The following CDH9 variants were observed in gnomAD, a reference collection of about 807,000 sequenced individuals.
CDH9 encodes cadherin-9.
Under a neutral mutation model 70.9 loss-of-function variants are expected in CDH9, and 28 were observed. That is an observed-to-expected ratio of 0.40 (90% CI 0.29 to 0.54). The LOEUF is 0.54. CDH9 is among the 20% of genes least tolerant of loss of function. CDH9 has a pLI of 0.59. For synonymous variants in CDH9, 409 were observed against 343.1 expected (o/e 1.19, Z -2.12); for missense variants, 874 against 984.4 (o/e 0.89, Z 1.50).
At chr5:26,945,389 A>G (rs1002017797) in intron 2 of CDH9, among the ~76,000 whole-genome samples, 2 of 152,128 alleles carry the variant, frequency 1.3e-5, no homozygotes, top group Non-Finnish European at 2.9e-5. Flanking sequence ...CATTTTTTCA[A>G]AAAGGCTAAT....
chr5:26,950,908 T>C (rs1579471313), intron 2 of CDH9, among the ~76,000 whole-genome samples: 1 of 152,162 alleles, frequency 6.6e-6, no homozygotes, highest in East Asian at 1.9e-4. Flanking sequence ...TTTAAAAATA[T>C]ATAGTAGAGA....
At chr5:26,952,508 G>A (rs1225180606) in intron 2 of CDH9, among the ~76,000 whole-genome samples, 1 of 132,736 alleles carries the variant, frequency 7.5e-6, no homozygotes. Flanking sequence ...GGTGGGAGGC[G>A]CCTGTGGTCC....
intron 1 of CDH9, among the ~76,000 whole-genome samples, chr5:27,008,136 A>G (rs1410693736): frequency 1.3e-5 from 2 of 152,144 alleles, no homozygotes; most frequent in Non-Finnish European, 2.9e-5. Context: ...ACTAGGTTTT[A>G]TTTTTATTAT....
intron 1 of CDH9, among the ~76,000 whole-genome samples, chr5:27,012,290 T>G (rs552590638): frequency 3.9e-5 from 6 of 152,110 alleles, no homozygotes; most frequent in African/African-American, 1.4e-4. Context: ...ATTATTATTA[T>G]TTTTTAATAT....
chr5:26,945,210 T>G (rs754123586), intron 2 of CDH9, among the ~76,000 whole-genome samples: 3 of 152,026 alleles, frequency 2.0e-5, no homozygotes, highest in Non-Finnish European at 4.4e-5. Flanking sequence ...CCTTGCTTTT[T>G]TTTTTTCCCT....
At position 26,915,691 on chromosome 5, in the gene CDH9, G is replaced by A. The variant is rs751999649; in HGVS notation, c.462C>T (p.Asp154=). The change falls in exon 3 of 12, where the codon GAC becomes GAT. Residue 154 remains aspartate (D), a synonymous_variant. Transcript: ENST00000231021. ...EFIIKIHDIN[D]NEPKFTKDLY... ...AGTCTTTTGTAAATTTTGGCTCATTGTCATTGATATCATGTATTTTAATGA... is the reference window on the plus strand; with the variant it reads ...AGTCTTTTGTAAATTTTGGCTCATTATCATTGATATCATGTATTTTAATGA... 1.2e-6 allele frequency: 2 copies of A among 1,610,830 alleles called. No individual in the cohort carries two copies. Among genetic ancestry groups the A allele is most frequent in the South Asian group, 1.1e-5 (1 of 91,028 alleles).
At chr5:26,890,060 C>G (rs1249747986) in intron 8 of CDH9, 103 bp from the exon 9 acceptor site, 22 of 1,044,504 alleles carry the variant, frequency 2.1e-5, no homozygotes, top group Non-Finnish European at 2.9e-5. Context: ...GTGGTGTTCA[C>G]TTTCTCAATT....
chr5:26,911,509 G>A lies in CDH9; in HGVS notation c.523+4121C>T, dbSNP rs114701435. 2.9e-3 allele frequency among the ~76,000 whole-genome samples: 440 copies of A among 152,160 alleles called. 2 individuals are homozygous for A. Among genetic ancestry groups the A allele is most frequent in the African/African-American group, 9.8e-3 (406 of 41,528 alleles). ...GGGTCAAAGTGTTAGGAAGAGGACT[G>A]GATAGGTTTTTGAGAGTGAAGGTGG... On this transcript the variant is annotated intron_variant, in intron 3 of 11. Transcript: ENST00000231021.
intron 11 of CDH9, among the ~76,000 whole-genome samples, chr5:26,883,881 T>C (rs1016479642): frequency 6.6e-6 from 1 of 152,108 alleles, no homozygotes; most frequent in Non-Finnish European, 1.5e-5. Context: ...GCTACATTTC[T>C]TCAAAATGTA....
chr5:26,906,046 C>T lies in CDH9; in HGVS notation c.724G>A (p.Gly242Ser), dbSNP rs1194827341. 2 of 1,613,110 alleles carry T rather than the reference C, an allele frequency of 1.2e-6. No homozygotes were observed. Among genetic ancestry groups the T allele is most frequent in the Admixed American group, 3.3e-5 (2 of 59,988 alleles). Reference sequence around the variant, plus strand: ...CCAGAAAGGCCTCCCATCTGGCCACCCATGTCTTTGGCCTGTATAACAACC... The same window carrying T: ...CCAGAAAGGCCTCCCATCTGGCCACTCATGTCTTTGGCCTGTATAACAACC... ...YQVVIQAKDM[G>S]GQMGGLSGTT... The change falls in exon 5 of 12, where the codon GGT becomes AGT. Residue 242 changes from glycine to serine, a missense_variant. Gly to Ser is a moderately conservative substitution (Grantham distance 56, BLOSUM62 0). Coordinates refer to ENST00000231021, the MANE Select transcript of CDH9 (RefSeq NM_016279.4).
At chr5:27,038,087 A>G (rs1458401622) in intron 1 of CDH9, among the ~76,000 whole-genome samples, 1 of 152,028 alleles carries the variant, frequency 6.6e-6, no homozygotes, top group Non-Finnish European at 1.5e-5. Flanking sequence ...TCAAATTAAT[A>G]TAATAATCAC....
At chr5:27,013,468 A>G (rs756061371) in intron 1 of CDH9, among the ~76,000 whole-genome samples, 1 of 151,972 alleles carries the variant, frequency 6.6e-6, no homozygotes, top group Non-Finnish European at 1.5e-5. Context: ...CGAACATAGG[A>G]TGAGGCTTCA....
chr5:27,003,906 C>G (rs1742814036), intron 1 of CDH9, among the ~76,000 whole-genome samples: 1 of 151,710 alleles, frequency 6.6e-6, no homozygotes, highest in Non-Finnish European at 1.5e-5. Context: ...AAAATATGTA[C>G]TATACCAATG....
At chr5:26,994,139 T>C (rs185032763) in intron 1 of CDH9, among the ~76,000 whole-genome samples, 19 of 152,266 alleles carry the variant, frequency 1.2e-4, no homozygotes, top group Admixed American at 5.2e-4. Context: ...CAGTGGTTCA[T>C]ATGTAGACAA....
chr5:26,959,053 A>G (rs1404152342), intron 2 of CDH9, among the ~76,000 whole-genome samples: 1 of 152,182 alleles, frequency 6.6e-6, no homozygotes, highest in Non-Finnish European at 1.5e-5. Context: ...GACACTACCA[A>G]AAAGATAAAT....
chr5:26,955,576 C>A (rs1393587733), intron 2 of CDH9, among the ~76,000 whole-genome samples: 1 of 92,402 alleles, frequency 1.1e-5, no homozygotes, highest in South Asian at 2.6e-4. Flanking sequence ...GGCAGTATCT[C>A]TCTCTCTCTC....
chr5:26,979,095 T>C (rs938156985), intron 2 of CDH9, among the ~76,000 whole-genome samples: 1 of 151,630 alleles, frequency 6.6e-6, no homozygotes, highest in Non-Finnish European at 1.5e-5. Flanking sequence ...TTATATAAAT[T>C]AATAGAAAAG....
chr5:26,939,253 A>T (rs1468990538), intron 2 of CDH9, among the ~76,000 whole-genome samples: 1 of 151,754 alleles, frequency 6.6e-6, no homozygotes, highest in Non-Finnish European at 1.5e-5. Context: ...AAATATGAAC[A>T]GGTAAAATTG....
At chr5:26,922,110 G>C (rs1741255421) in intron 2 of CDH9, among the ~76,000 whole-genome samples, 1 of 150,726 alleles carries the variant, frequency 6.6e-6, no homozygotes, top group South Asian at 2.1e-4. Context: ...TGCCTCAAAA[G>C]GGAAAATTAA....
Sources: gnomAD v4.1 joint callset for allele counts (sites outside exome capture counted in the v4.1 genomes callset) on GRCh38, gnomAD v4.1.1 for gene constraint, MANE v1.5 for transcripts, NCBI Gene and HGNC (gene_info 2026-07-23, HGNC 2026-07-21) for gene names.